The following RYR3 variants were observed in gnomAD, a reference collection of about 807,000 sequenced individuals.
RYR3 encodes the protein ryanodine receptor 3, also known as brain ryanodine receptor-calcium release channel.
In RYR3, 207 loss-of-function variants were observed where a neutral mutation model predicts 584.3. The observed-to-expected ratio is 0.35, with a 90% CI of 0.32 to 0.40. The LOEUF is 0.40. Ranked by LOEUF, RYR3 falls within the 10% of genes least tolerant of loss-of-function variation. The pLI, the probability that RYR3 is intolerant of heterozygous loss-of-function variation, is 1.00. For missense variants in RYR3, 5,616 were observed against 6,089.2 expected (o/e 0.92, Z 2.59); for synonymous variants, 2,416 against 2,248.5 (o/e 1.07, Z -2.11).
chr15:33,567,042 T>G (rs530279500), intron 12 of RYR3, among the ~76,000 whole-genome samples: 1 of 152,314 alleles, frequency 6.6e-6, no homozygotes, highest in Non-Finnish European at 1.5e-5. Context: ...GTGATGAATA[T>G]CCAAGATCTT....
At chr15:33,443,902 A>G (rs1232248317) in intron 1 of RYR3, among the ~76,000 whole-genome samples, 1 of 152,184 alleles carries the variant, frequency 6.6e-6, no homozygotes, top group Admixed American at 6.5e-5. Context: ...GGTTCCCTAT[A>G]TGACAGCTTG....
intron 80 of RYR3, among the ~76,000 whole-genome samples, chr15:33,822,447 T>C (rs554370307): frequency 3.3e-5 from 5 of 152,376 alleles, no homozygotes; most frequent in African/African-American, 9.6e-5. Context: ...CAATTTTTTA[T>C]TAAAAACTGT....
Position 33,662,480 on chromosome 15 carries a change from T to C in RYR3, c.4950T>C (p.His1650=), listed in dbSNP as rs2063223553. 6.2e-7 allele frequency: 1 copy of C among 1,614,008 alleles called. No homozygotes were observed. Among genetic ancestry groups the C allele is most frequent in the Non-Finnish European group, 8.5e-7 (1 of 1,179,896 alleles). The change falls in exon 35 of 104, where the codon CAT becomes CAC. Residue 1650 remains histidine, a synonymous_variant. Coordinates refer to ENST00000634891, the MANE Select transcript of RYR3 (RefSeq NM_001036.6). ...IRLFPDESKR[H]GLPGVGLRTC... is the part of the protein sequence containing the mutation. ...TCTTCCCGGACGAGTCCAAGAGGCA[T>C]GGACTGCCTGGGGTGGGCCTGAGAA...
At chr15:33,768,830 C>T in intron 61 of RYR3, 123 bp downstream of exon 61, 2 of 946,666 alleles carry the variant, frequency 2.1e-6, no homozygotes, top group South Asian at 2.7e-5. Flanking sequence ...CCTAAATTTG[C>T]CATAGAAAAT....
chr15:33,380,690 T>G (rs2041120748), intron 1 of RYR3, among the ~76,000 whole-genome samples: 1 of 152,244 alleles, frequency 6.6e-6, no homozygotes, highest in South Asian at 2.1e-4. Flanking sequence ...CCCTGGGTAG[T>G]GCTTTTCAGC....
chr15:33,496,681 T>A (rs1365257459), intron 2 of RYR3, among the ~76,000 whole-genome samples: 1 of 152,096 alleles, frequency 6.6e-6, no homozygotes, highest in East Asian at 1.9e-4. Context: ...ATTTGGATCA[T>A]TCATTAAACA....
At chr15:33,862,897 G>C (rs540672456) in intron 102 of RYR3, among the ~76,000 whole-genome samples, 1 of 152,216 alleles carries the variant, frequency 6.6e-6, no homozygotes, top group East Asian at 1.9e-4. Context: ...AATTAGAGGC[G>C]TGAGCCATCA....
Position 33,728,969 on chromosome 15 carries a change from C to G in RYR3, c.7146C>G (p.Leu2382=). Residue 2382 remains leucine (L), a synonymous_variant, in exon 47 of 104, where the codon CTC becomes CTG. Coordinates refer to ENST00000634891, the MANE Select transcript of RYR3 (RefSeq NM_001036.6). ...VYGIKDQTFL[L]HLLEVGFLPD... ...GCATTAAGGATCAAACTTTTCTGCTCCACTTGCTGGAGGTTGGATTTTTAC... is the reference window on the plus strand; with the variant it reads ...GCATTAAGGATCAAACTTTTCTGCTGCACTTGCTGGAGGTTGGATTTTTAC... 2 of 1,613,962 alleles carry G rather than the reference C, an allele frequency of 1.2e-6. No homozygotes were observed. Among genetic ancestry groups the G allele is most frequent in the Non-Finnish European group, 8.5e-7 (1 of 1,179,864 alleles).
intron 1 of RYR3, among the ~76,000 whole-genome samples, chr15:33,321,785 G>A (rs762705589): frequency 2.6e-5 from 4 of 152,172 alleles, no homozygotes; most frequent in South Asian, 2.1e-4. Context: ...GGAGAGTTCC[G>A]GTGCTGAATC....
chr15:33,566,640 T>C (rs982501836), intron 11 of RYR3, 38 bp from the exon 12 acceptor site: 14 of 1,611,160 alleles, frequency 8.7e-6, no homozygotes, highest in Non-Finnish European at 1.1e-5. Flanking sequence ...TGTGGAATAA[T>C]TGTAACCTAG....
chr15:33,526,734 G>T (rs1196194566), intron 3 of RYR3, among the ~76,000 whole-genome samples: 1 of 151,790 alleles, frequency 6.6e-6, no homozygotes, highest in Non-Finnish European at 1.5e-5. Context: ...TGCCTCCTAT[G>T]GTGCCGGGCA....
chr15:33,645,584 C>G (rs1595953069), intron 28 of RYR3, among the ~76,000 whole-genome samples: 1 of 152,162 alleles, frequency 6.6e-6, no homozygotes, highest in East Asian at 1.9e-4. Context: ...AGGCCCTCTA[C>G]TTAGAAAAAT....
At chr15:33,854,217 C>T (rs1285971981) in intron 96 of RYR3, among the ~76,000 whole-genome samples, 172 bp from the exon 97 acceptor site, 1 of 149,674 alleles carries the variant, frequency 6.7e-6, no homozygotes, top group Non-Finnish European at 1.5e-5. Flanking sequence ...AAAATTCAGG[C>T]TATGTGATTC....
intron 3 of RYR3, among the ~76,000 whole-genome samples, chr15:33,517,521 C>T (rs1253335040): frequency 6.6e-6 from 1 of 152,148 alleles, no homozygotes; most frequent in Non-Finnish European, 1.5e-5. Context: ...TTAAAATACC[C>T]AATGTGTTCC....
intron 20 of RYR3, among the ~76,000 whole-genome samples, chr15:33,627,058 A>G (rs1171259187): frequency 1.3e-5 from 2 of 152,104 alleles, no homozygotes; most frequent in African/African-American, 2.4e-5. Context: ...AGAATAGTAG[A>G]TCCACCAGCA....
At chr15:33,734,760 A>G (rs1159609415) in intron 48 of RYR3, among the ~76,000 whole-genome samples, 3 of 128,096 alleles carry the variant, frequency 2.3e-5, no homozygotes, top group Non-Finnish European at 4.7e-5. Context: ...TGCCATCTCC[A>G]CTCTCTGCAA....
At chr15:33,687,254 G>A (rs2065075865) in intron 38 of RYR3, among the ~76,000 whole-genome samples, 2 of 152,190 alleles carry the variant, frequency 1.3e-5, no homozygotes, top group Admixed American at 6.5e-5. Context: ...AAAATCACAA[G>A]CATTCCTATA....
chr15:33,810,355 G>A (rs2076454616), intron 70 of RYR3, 124 bp from the exon 71 acceptor site: 1 of 834,426 alleles, frequency 1.2e-6, no homozygotes, highest in African/African-American at 1.7e-5. Flanking sequence ...ACTGTCCTTT[G>A]AAGTGTAGTA....
Position 33,831,052 on chromosome 15 carries a change from C to G in RYR3, c.11424C>G (p.Val3808=), listed in dbSNP as rs2077647461. 6.2e-7 allele frequency: 1 copy of G among 1,613,698 alleles called. No homozygotes were observed. The highest frequency in any genetic ancestry group is 8.5e-7 in the Non-Finnish European group (1 of 1,179,784). Reference sequence around the variant, plus strand: ...ACAATTTTTCCAAAGCTCTGGCAGTCACCAAGCAGATTTTCAATTCTCTTA... The same window carrying G: ...ACAATTTTTCCAAAGCTCTGGCAGTGACCAAGCAGATTTTCAATTCTCTTA... The part of the protein sequence containing the change: ...GQHNFSKALA[V]TKQIFNSLTE... The change falls in exon 86 of 104, where the codon GTC becomes GTG. Residue 3808 remains valine, a synonymous_variant. Coordinates refer to ENST00000634891, the MANE Select transcript of RYR3 (RefSeq NM_001036.6).
Sources: allele counts gnomAD v4.1 joint callset (sites outside exome capture counted in the v4.1 genomes callset), GRCh38; gene constraint gnomAD v4.1.1; transcripts MANE v1.5; gene names NCBI Gene and HGNC (gene_info 2026-07-23, HGNC 2026-07-21).